GLYATL1: variants seen among roughly 807,000 people sequenced by gnomAD.
GLYATL1 encodes glycine-N-acyltransferase like 1.
Under a neutral mutation model 20.0 loss-of-function variants are expected in GLYATL1, and 15 were observed. The ratio of observed to expected loss-of-function variants is 0.75; its 90% confidence interval spans 0.50 to 1.15. The LOEUF (loss-of-function observed/expected upper bound fraction) is 1.15, where lower values mean the gene tolerates loss of function less well. Among genes scored for constraint, GLYATL1 ranks in the 50% most tolerant of loss-of-function variants. The pLI, the probability that GLYATL1 is intolerant of heterozygous loss-of-function variation, is 0.00. For synonymous variants in GLYATL1, 151 were observed against 131.5 expected (o/e 1.15, Z -1.01); for missense variants, 380 against 368.5 (o/e 1.03, Z -0.26).
intron 1 of GLYATL1, chr11:58,917,266 G>C (rs1855196407): frequency 1.3e-5 from 2 of 152,186 alleles, no homozygotes. Context: ...CTGGGGCTCT[G>C]CAAGGCTGTC....
At chr11:58,907,768 C>T (rs769104882) in exon 2 of GLYATL1, 4 of 197,240 alleles carry the variant, frequency 2.0e-5, no homozygotes, top group Non-Finnish European at 4.2e-5. Context: ...GAGCTTTGTT[C>T]CAGTACGTTG....
exon 2 of GLYATL1, chr11:58,907,879 T>G (rs1854943582): frequency 6.4e-6 from 1 of 157,094 alleles, no homozygotes; most frequent in East Asian, 1.9e-4. Flanking sequence ...GAAGCAATAC[T>G]TTCTGAGTAG....
chr11:58,906,217 G>T (rs997360308), intron 1 of GLYATL1, among the ~76,000 whole-genome samples: 1 of 152,186 alleles, frequency 6.6e-6, no homozygotes, highest in African/African-American at 2.4e-5. Context: ...TTTGGATGGG[G>T]AGCTGGGCCC....
exon 2 of GLYATL1, chr11:58,907,308 C>A (rs1379305035): frequency 4.4e-6 from 2 of 456,298 alleles, no homozygotes; most frequent in Non-Finnish European, 8.8e-6. Context: ...CTTCTGAAAT[C>A]TGGACTTCCA....
upstream of GLYATL1, among the ~76,000 whole-genome samples, chr11:58,923,436 G>A (rs1855354136): frequency 6.6e-6 from 1 of 152,128 alleles, no homozygotes; most frequent in Admixed American, 6.5e-5. Context: ...ATGAAGTAGT[G>A]GCCCGCAACC....
intron 1 of GLYATL1, among the ~76,000 whole-genome samples, chr11:58,928,882 G>A (rs573322): frequency 0.31 from 47,270 of 152,026 alleles, 8,127 homozygotes; most frequent in Non-Finnish European, 0.39. Context: ...CTACCCCCAA[G>A]AGGGCCATCT....
chr11:58,917,710 C>T (rs1855208550), intron 1 of GLYATL1, among the ~76,000 whole-genome samples: 1 of 152,198 alleles, frequency 6.6e-6, no homozygotes, highest in Non-Finnish European at 1.5e-5. Flanking sequence ...AAACAGGATA[C>T]TTGAAGTTAC....
rs117796317 is a variant in GLYATL1 at position 58,952,906 on chromosome 11, G to A, written c.187-1864G>A. On this transcript the variant is annotated intron_variant, in intron 4 of 6. Transcript: ENST00000532726. ...AGAAATTAAAACAGAGTTGCCATCC[G>A]ATCCAGCAATGTCTTTACTAGGTAA... 2.9e-3 allele frequency among the ~76,000 whole-genome samples: 442 copies of A among 152,282 alleles called. 11 individuals carry two copies. In the South Asian group the frequency reaches 0.045, roughly 15 times the overall value.
chr11:58,940,065 C>A (rs969889146), intron 1 of GLYATL1, among the ~76,000 whole-genome samples: 2 of 152,140 alleles, frequency 1.3e-5, no homozygotes, highest in Non-Finnish European at 2.9e-5. Flanking sequence ...AATAAACTGA[C>A]ACTCTTTTGT....
chr11:58,921,441 C>T (rs943799816), intron 1 of GLYATL1, among the ~76,000 whole-genome samples: 2 of 152,138 alleles, frequency 1.3e-5, no homozygotes, highest in African/African-American at 4.8e-5. Context: ...ATTCTTCAGC[C>T]CCTGCCATCC....
At chr11:58,941,173 A>G (rs868397384) in intron 1 of GLYATL1, among the ~76,000 whole-genome samples, 8 of 141,672 alleles carry the variant, frequency 5.6e-5, no homozygotes, top group African/African-American at 2.1e-4. Context: ...TATATCTCCT[A>G]ATGCTATCCC....
chr11:58,936,484 G>A (rs551979664), upstream of GLYATL1, among the ~76,000 whole-genome samples: 2 of 152,308 alleles, frequency 1.3e-5, no homozygotes, highest in African/African-American at 4.8e-5. Context: ...AGTTAGGCAG[G>A]TGCTCAGATC....
At chr11:58,944,415 T>C (rs1590797182) in intron 2 of GLYATL1, among the ~76,000 whole-genome samples, 2 of 152,172 alleles carry the variant, frequency 1.3e-5, no homozygotes, top group African/African-American at 2.4e-5. Flanking sequence ...TGATAGCTGA[T>C]GGGACTGTGG....
upstream of GLYATL1, among the ~76,000 whole-genome samples, chr11:58,924,583 C>T (rs1855382747): frequency 1.3e-5 from 2 of 152,306 alleles, no homozygotes; most frequent in South Asian, 2.1e-4. Flanking sequence ...TTTTTGTTTT[C>T]GGTATCATGT....
chr11:58,917,146 T>A (rs1855193050), intron 1 of GLYATL1: 1 of 152,196 alleles, frequency 6.6e-6, no homozygotes, highest in Non-Finnish European at 1.5e-5. Flanking sequence ...TTCTAGGAAG[T>A]GAGTGTGAAT....
intron 1 of GLYATL1, among the ~76,000 whole-genome samples, chr11:58,917,475 A>G (rs1855202561): frequency 6.6e-6 from 1 of 152,246 alleles, no homozygotes; most frequent in East Asian, 1.9e-4. Context: ...AGTGGCATGC[A>G]AGCAAGGATA....
chr11:58,942,684 C>G (rs1358811591), intron 1 of GLYATL1: 1 of 151,990 alleles, frequency 6.6e-6, no homozygotes. Flanking sequence ...GTCAAACAGG[C>G]CGTTAGATAC....
At chr11:58,910,219 T>G (rs1261194906), downstream of GLYATL1, among the ~76,000 whole-genome samples, 1 of 152,244 alleles carries the variant, frequency 6.6e-6, no homozygotes, top group Non-Finnish European at 1.5e-5. Flanking sequence ...CAGTATCTTT[T>G]CCTTCTTTGA....
chr11:58,955,958 T>C lies in GLYATL1; in HGVS notation c.840T>C (p.Phe280=), dbSNP rs150335120. Residue 280 remains phenylalanine, a synonymous_variant, in exon 7 of 7, where the codon TTT becomes TTC. Coordinates refer to ENST00000532726, the MANE Select transcript of GLYATL1 (RefSeq NM_001389712.2). ...ACTCCCGCAGATTTGTGGGGCAGTTTGGTTTCTTTGAGGCCTCCTGTGAGT... is the reference window on the plus strand; with the variant it reads ...ACTCCCGCAGATTTGTGGGGCAGTTCGGTTTCTTTGAGGCCTCCTGTGAGT... ...NEDSRRFVGQ[F]GFFEASCEWH... is the part of the protein sequence containing the mutation. 2 of 1,614,068 alleles carry C rather than the reference T, an allele frequency of 1.2e-6. No individual in the cohort carries two copies. The highest frequency in any genetic ancestry group is 2.7e-5 in the African/African-American group (2 of 74,948).
Sources: allele counts gnomAD v4.1 joint callset (sites outside exome capture counted in the v4.1 genomes callset), GRCh38; gene constraint gnomAD v4.1.1; transcripts MANE v1.5; gene names NCBI Gene and HGNC (gene_info 2026-07-23, HGNC 2026-07-21).